The following SGCZ variants were observed in gnomAD, a reference collection of about 807,000 sequenced individuals.
SGCZ encodes zeta-sarcoglycan.
A neutral mutation model predicts 41.3 loss-of-function variants in SGCZ; 40 were observed. The ratio of observed to expected loss-of-function variants is 0.97; its 90% CI spans 0.75 to 1.26. The LOEUF (loss-of-function observed/expected upper bound fraction) is 1.26. SGCZ is among the 50% of genes most tolerant of loss of function. The pLI, the probability that SGCZ is intolerant of heterozygous loss-of-function variation, is 0.00. For synonymous variants in SGCZ, 206 were observed against 137.5 expected (o/e 1.50, Z -3.49); for missense variants, 552 against 369.8 (o/e 1.49, Z -4.04).
chr8:14,670,480 A>T (rs1009168956), intron 1 of SGCZ, among the ~76,000 whole-genome samples: 5 of 152,202 alleles, frequency 3.3e-5, no homozygotes, highest in Non-Finnish European at 7.3e-5. Flanking sequence ...ACAAAGTTAA[A>T]GTATTTTCGT....
intron 4 of SGCZ, among the ~76,000 whole-genome samples, chr8:14,229,398 C>T (rs1251564466): frequency 6.6e-6 from 1 of 151,988 alleles, no homozygotes; most frequent in Non-Finnish European, 1.5e-5. Context: ...AGCGTGACAT[C>T]CTTGTCCTGA....
At chr8:14,422,967 G>T (rs1234922003) in intron 2 of SGCZ, among the ~76,000 whole-genome samples, 3 of 152,132 alleles carry the variant, frequency 2.0e-5, no homozygotes, top group Non-Finnish European at 2.9e-5. Flanking sequence ...GGACAAGGCT[G>T]CAATGAGCCA....
intron 3 of SGCZ, among the ~76,000 whole-genome samples, chr8:14,307,439 C>T (rs991198357): frequency 1.3e-5 from 2 of 152,124 alleles, no homozygotes; most frequent in Non-Finnish European, 2.9e-5. Context: ...TTTCCAGGAT[C>T]TGGCAAATAA....
chr8:14,659,452 G>A (rs958899629), intron 1 of SGCZ, among the ~76,000 whole-genome samples: 1 of 151,720 alleles, frequency 6.6e-6, no homozygotes, highest in Admixed American at 6.6e-5. Context: ...TTTTTTACAG[G>A]GTATGATACA....
intron 1 of SGCZ, among the ~76,000 whole-genome samples, chr8:14,608,968 C>T (rs142931760): frequency 6.6e-6 from 1 of 152,062 alleles, no homozygotes; most frequent in African/African-American, 2.4e-5. Context: ...ACGAAAAAAA[C>T]CAGAATAATT....
At chr8:14,124,289 C>T (rs1013222005) in intron 5 of SGCZ, among the ~76,000 whole-genome samples, 4 of 152,002 alleles carry the variant, frequency 2.6e-5, no homozygotes, top group African/African-American at 9.7e-5. Flanking sequence ...TCTTTCTCCT[C>T]TCTCTCTCTC....
chr8:14,115,829 A>T (rs948899044), intron 5 of SGCZ, among the ~76,000 whole-genome samples: 7 of 151,842 alleles, frequency 4.6e-5, no homozygotes, highest in African/African-American at 1.7e-4. Flanking sequence ...AAATTCCTTA[A>T]TCCTATCTTT....
At chr8:14,680,524 A>G (rs1055235433) in intron 1 of SGCZ, among the ~76,000 whole-genome samples, 3 of 152,050 alleles carry the variant, frequency 2.0e-5, no homozygotes, top group African/African-American at 7.2e-5. Context: ...TCTATTAAAA[A>G]TGAAATAAAA....
chr8:15,091,616 T>A (rs1455062119), intron 1 of SGCZ, among the ~76,000 whole-genome samples: 1 of 152,138 alleles, frequency 6.6e-6, no homozygotes, highest in Non-Finnish European at 1.5e-5. Flanking sequence ...CTTCCACAGA[T>A]CTGCTGGAGA....
intron 3 of SGCZ, among the ~76,000 whole-genome samples, chr8:14,303,207 G>A (rs1031143615): frequency 3.9e-5 from 6 of 152,046 alleles, no homozygotes; most frequent in Admixed American, 6.5e-5. Flanking sequence ...GCACCTCAAC[G>A]CATCCTTAAA....
chr8:14,096,660 A>T (rs1801854195), intron 7 of SGCZ, among the ~76,000 whole-genome samples: 1 of 152,080 alleles, frequency 6.6e-6, no homozygotes, highest in South Asian at 2.1e-4. Context: ...TATTGATTGG[A>T]ATAGTTTCAA....
chr8:14,167,000 C>T (rs980005601), intron 4 of SGCZ, among the ~76,000 whole-genome samples: 4 of 151,944 alleles, frequency 2.6e-5, no homozygotes, highest in Non-Finnish European at 5.9e-5. Flanking sequence ...ATCATATTAG[C>T]ATAATTACAG....
chr8:14,847,177 GAAGAAGAA>G (rs1448800468), intron 1 of SGCZ, among the ~76,000 whole-genome samples: 175 of 144,542 alleles, frequency 1.2e-3, no homozygotes, highest in African/African-American at 4.3e-3. Flanking sequence ...AGAAGAAGAA[GAAGAAGAA>G]GAGAAAAATA....
chr8:14,819,449 C>G (rs561019792), intron 1 of SGCZ, among the ~76,000 whole-genome samples: 8 of 152,096 alleles, frequency 5.3e-5, no homozygotes, highest in Non-Finnish European at 1.0e-4. Flanking sequence ...ATAGGGAAGT[C>G]CAATCACAAG....
At chr8:14,349,507 G>A (rs1803011705) in intron 2 of SGCZ, among the ~76,000 whole-genome samples, 1 of 152,212 alleles carries the variant, frequency 6.6e-6, no homozygotes, top group East Asian at 1.9e-4. Context: ...AATAAGGCAT[G>A]TGTCAATTTA....
intron 2 of SGCZ, among the ~76,000 whole-genome samples, chr8:14,549,958 G>C (rs184367155): frequency 6.6e-6 from 1 of 151,964 alleles, no homozygotes; most frequent in African/African-American, 2.4e-5. Flanking sequence ...GTTGCTAGTG[G>C]TGGTATAAAT....
chr8:14,340,589 A>G (rs112686969), intron 2 of SGCZ, among the ~76,000 whole-genome samples: 1 of 152,212 alleles, frequency 6.6e-6, no homozygotes, highest in East Asian at 1.9e-4. Context: ...AAGTACTTGT[A>G]AGTACTTGAC....
intron 2 of SGCZ, among the ~76,000 whole-genome samples, chr8:14,413,606 C>T (rs1799418453): frequency 6.6e-6 from 1 of 151,934 alleles, no homozygotes; most frequent in African/African-American, 2.4e-5. Flanking sequence ...GAAATATATG[C>T]TGATAATGTT....
At chr8:14,284,012 T>C (rs533378845) in intron 3 of SGCZ, among the ~76,000 whole-genome samples, 1 of 152,390 alleles carries the variant, frequency 6.6e-6, no homozygotes, top group South Asian at 2.1e-4. Context: ...TATGTAAATT[T>C]AAGATTTCTT....
Sources: gnomAD v4.1 joint callset for allele counts (sites outside exome capture counted in the v4.1 genomes callset) on GRCh38, gnomAD v4.1.1 for gene constraint, MANE v1.5 for transcripts, NCBI Gene and HGNC (gene_info 2026-07-23, HGNC 2026-07-21) for gene names.